The following BBS2 variants were observed in gnomAD, a reference collection of about 807,000 sequenced individuals.
BBS2 encodes Bardet-Biedl syndrome 2.
In BBS2, 62 loss-of-function variants were observed where a neutral mutation model predicts 83.0. That is an observed-to-expected ratio of 0.75 (90% CI 0.61 to 0.92). The LOEUF is 0.92. BBS2 is among the 40% of genes least tolerant of loss of function. The pLI, the probability that BBS2 is intolerant of heterozygous loss-of-function variation, is 0.00. For synonymous variants in BBS2, 303 were observed against 326.1 expected (o/e 0.93, Z 0.76); for missense variants, 784 against 901.0 (o/e 0.87, Z 1.66).
chr16:56,493,678 T>C (rs1452411312), intron 15 of BBS2, among the ~76,000 whole-genome samples: 1 of 152,088 alleles, frequency 6.6e-6, no homozygotes, highest in Non-Finnish European at 1.5e-5. Context: ...AAAATGCCAA[T>C]CCTCCAAAAC....
chr16:56,505,058 G>A (rs1411239517), intron 7 of BBS2, among the ~76,000 whole-genome samples: 1 of 152,174 alleles, frequency 6.6e-6, no homozygotes, highest in Non-Finnish European at 1.5e-5. Context: ...CCAGCCTCCA[G>A]AACTATAAGA....
intron 10 of BBS2, 162 bp from the exon 11 acceptor site, chr16:56,501,187 G>A (rs1964261451): frequency 4.8e-6 from 6 of 1,252,960 alleles, no homozygotes; most frequent in Non-Finnish European, 6.9e-6. Flanking sequence ...GTGGGCGCCT[G>A]TAGTCCCAGC....
intron 17 of BBS2, chr16:56,478,786 A>G (rs1963585453): frequency 6.6e-6 from 1 of 152,212 alleles, no homozygotes; most frequent in South Asian, 2.1e-4. Flanking sequence ...TTTATACACT[A>G]CAAAAAGGGA....
chr16:56,470,848 T>C, intron 17 of BBS2: 7 of 1,450,590 alleles, frequency 4.8e-6, no homozygotes, highest in Non-Finnish European at 6.4e-6. Flanking sequence ...CATTCAAACA[T>C]GTATTCATTC....
chr16:56,474,824 T>C (rs778011313), intron 17 of BBS2: 24 of 1,592,866 alleles, frequency 1.5e-5, no homozygotes, highest in Non-Finnish European at 2.0e-5. Flanking sequence ...TTTTTTTTCC[T>C]TAGAATCAAG....
At chr16:56,509,794 C>T (rs1964526347) in intron 5 of BBS2, 163 bp downstream of exon 5, 2 of 634,030 alleles carry the variant, frequency 3.2e-6, no homozygotes, top group South Asian at 1.8e-5. Flanking sequence ...ATTTTTATTG[C>T]TTTTCTTACC....
intron 15 of BBS2, among the ~76,000 whole-genome samples, chr16:56,493,586 G>A (rs1038566196): frequency 2.0e-5 from 3 of 152,040 alleles, no homozygotes; most frequent in African/African-American, 4.8e-5. Flanking sequence ...AGACTTTTCC[G>A]TGCATGCCTG....
downstream of BBS2, among the ~76,000 whole-genome samples, chr16:56,483,053 T>C (rs533946515): frequency 6.6e-6 from 1 of 152,272 alleles, no homozygotes; most frequent in Non-Finnish European, 1.5e-5. Context: ...CATGTGAACA[T>C]TGTACAGTGT....
intron 7 of BBS2, among the ~76,000 whole-genome samples, chr16:56,505,180 T>C (rs1457017997): frequency 6.6e-6 from 1 of 152,250 alleles, no homozygotes; most frequent in Non-Finnish European, 1.5e-5. Flanking sequence ...TAAGCAACTA[T>C]ACAGTCTTAT....
chr16:56,491,001 T>C (rs1963935564), intron 15 of BBS2, among the ~76,000 whole-genome samples: 1 of 152,122 alleles, frequency 6.6e-6, no homozygotes, highest in Non-Finnish European at 1.5e-5. Context: ...GGCCTCATGA[T>C]CCACCTGCCT....
Position 56,494,125 on chromosome 16 carries a change from ATTTTTT to A in BBS2, c.1910+2836_1910+2841del, listed in dbSNP as rs774708101. ...AGGCATGCACCACTATGCCCAGCTA[ATTTTTT>A]TTTTTTTTTTTTTTTTTGCAGAGAC... On this transcript the variant is annotated intron_variant, in intron 15 of 16. Transcript: ENST00000245157. 6.7e-5 allele frequency among the ~76,000 whole-genome samples: 8 copies of A among 120,160 alleles called. No homozygotes were observed. In the South Asian group the frequency reaches 1.9e-3, roughly 29 times the overall value. The allele number at this position is 120,160 out of a possible 152,430, so 78.8% of individuals were successfully genotyped here.
At chr16:56,472,558 G>C (rs1963248096) in intron 17 of BBS2, among the ~76,000 whole-genome samples, 1 of 152,118 alleles carries the variant, frequency 6.6e-6, no homozygotes. Flanking sequence ...GGCACATCTA[G>C]TGAGATAACA....
intron 17 of BBS2, among the ~76,000 whole-genome samples, chr16:56,471,133 C>T (rs1963158313): frequency 6.6e-6 from 1 of 151,814 alleles, no homozygotes; most frequent in Non-Finnish European, 1.5e-5. Context: ...AGTCTGATCA[C>T]CTGAGGCCAG....
At chr16:56,518,258 T>C (rs554738665) in intron 1 of BBS2, among the ~76,000 whole-genome samples, 1 of 152,292 alleles carries the variant, frequency 6.6e-6, no homozygotes, top group Admixed American at 6.5e-5. Flanking sequence ...ACATACAATA[T>C]ACATGGAAGT....
downstream of BBS2, among the ~76,000 whole-genome samples, chr16:56,480,376 A>AAAAAAAAAAAAAAAAAAAAC (rs1555519799): frequency 7.0e-6 from 1 of 142,402 alleles, no homozygotes; most frequent in Non-Finnish European, 1.5e-5. Context: ...CAAAAAAAAA[A>AAAAAAAAAAAAAAAAAAAAC]ACAAAGCTTG....
intron 7 of BBS2, among the ~76,000 whole-genome samples, chr16:56,503,424 G>A (rs1350484554): frequency 2.0e-5 from 3 of 152,108 alleles, no homozygotes; most frequent in Non-Finnish European, 2.9e-5. Context: ...CAGAAACTAC[G>A]GAGTTAGCCC....
chr16:56,470,671 G>C, exon 18 of BBS2: 1 of 1,614,146 alleles, frequency 6.2e-7, no homozygotes, highest in Non-Finnish European at 8.5e-7. Context: ...TGATATCACT[G>C]AAGAAGGGAC....
rs1356671129 is a variant in BBS2, at chr16:56,499,760, GA to G, written c.1527+17del. ...TCTACTGTGTAAAAGCATTGAAAGA[GA>G]AAAGCGAGATACTCACCCTCTGTGC... On this transcript the variant is annotated intron_variant, in intron 12 of 16. Coordinates refer to ENST00000245157, the MANE Select transcript of BBS2 (RefSeq NM_031885.5). 2 of 1,613,794 alleles carry G rather than the reference GA, an allele frequency of 1.2e-6. No homozygotes were observed. The highest frequency in any genetic ancestry group is 1.7e-6 in the Non-Finnish European group (2 of 1,179,886).
intron 1 of BBS2, among the ~76,000 whole-genome samples, chr16:56,518,170 G>A (rs1044365868): frequency 2.6e-5 from 4 of 151,982 alleles, no homozygotes; most frequent in South Asian, 4.1e-4. Flanking sequence ...GCCAGACCCC[G>A]TATTAATAGC....
Sources: gnomAD v4.1 joint callset for allele counts (sites outside exome capture counted in the v4.1 genomes callset) on GRCh38, gnomAD v4.1.1 for gene constraint, MANE v1.5 for transcripts, NCBI Gene and HGNC (gene_info 2026-07-23, HGNC 2026-07-21) for gene names.